Variants in SCAF1 observed in about 807,000 individuals in gnomAD.
The protein encoded by SCAF1 is splicing factor, arginine/serine-rich 19.
Under a neutral mutation model 91.2 loss-of-function variants are expected in SCAF1, and 28 were observed. That is an observed-to-expected ratio of 0.31 (90% CI 0.23 to 0.42). SCAF1 has a LOEUF of 0.42. SCAF1 is among the 10% of genes least tolerant of loss of function. The pLI, the probability that SCAF1 is intolerant of heterozygous loss-of-function variation, is 1.00. For missense variants in SCAF1, 1,893 were observed against 1,872.1 expected, an observed-to-expected ratio of 1.01 and a Z score of -0.21; for synonymous variants, 1,036 against 833.7, an observed-to-expected ratio of 1.24 and a Z score of -4.18.
Position 49,658,375 on chromosome 19 carries a change from G to C in SCAF1, c.3915G>C (p.Pro1305=), listed in dbSNP as rs563732230. ...KEPGPPDKGG[P]GLPLPPL ...CAGGGCCCCCAGACAAGGGTGGCCC[G>C]GGCCTGCCCCTGCCCCCTCTCTGAG... The change falls in exon 11 of 11, where the codon CCG becomes CCC. Residue 1305 remains proline (P), a synonymous_variant. Coordinates refer to ENST00000360565, the MANE Select transcript of SCAF1 (RefSeq NM_021228.3). 6.4e-7 allele frequency: 1 copy of C among 1,553,294 alleles called. No individual in the cohort carries two copies. Among genetic ancestry groups the C allele is most frequent in the South Asian group, 1.2e-5 (1 of 85,462 alleles).
Position 49,652,489 on chromosome 19 carries a change from C to T in SCAF1, c.2100C>T (p.Ala700=), listed in dbSNP as rs1223401284. The T allele has an allele frequency of 1.3e-6, 2 of 1,591,374 alleles. No individual in the cohort carries two copies. The highest frequency in any genetic ancestry group is 1.7e-6 in the Non-Finnish European group (2 of 1,171,746). ...IQDLTDHDLF[A]IKRTITVGRL... ...ACCTCACGGACCACGACCTCTTCGC[C>T]ATCAAGCGGACCATCACGGTGGGCC... Residue 700 remains alanine, a synonymous_variant, in exon 7 of 11, where the codon GCC becomes GCT. Transcript: ENST00000360565.
Position 49,645,299 on chromosome 19 carries a change from G to T in SCAF1, c.109-55G>T, listed in dbSNP as rs1438353224. 6.9e-6 allele frequency: 11 copies of T among 1,595,808 alleles called. No individual in the cohort carries two copies. In the African/African-American group the frequency reaches 1.5e-4, roughly 21 times the overall value. ...GATGTCTGTCTCCCAAGGGGCAGAGGTTGCAAAGCATCTGCCTGGGTCCTC... is the reference window on the plus strand; with the variant it reads ...GATGTCTGTCTCCCAAGGGGCAGAGTTTGCAAAGCATCTGCCTGGGTCCTC... On this transcript the variant is annotated intron_variant, in intron 2 of 10. Transcript: ENST00000360565. This position sits in a 1 kb window ranked among gnomAD's most constrained non-coding sequence, Gnocchi z 4.6.
At chr19:49,650,075 T>C (rs7259683) in intron 6 of SCAF1, among the ~76,000 whole-genome samples, 58,631 of 152,122 alleles carry the variant, frequency 0.39, 14,321 homozygotes, top group African/African-American at 0.7. Flanking sequence ...GCGGGCTCTT[T>C]GGGGGCGAAT....
Position 49,651,652 on chromosome 19 carries a change from G to A in SCAF1, c.1263G>A (p.Pro421=), listed in dbSNP as rs930449648. Reference sequence around the variant, plus strand: ...GCGGCCGGGCCGCCCGGCCTACACCGGCCGCCTCGGCCACCCCCACGGCCC... The same window carrying A: ...GCGGCCGGGCCGCCCGGCCTACACCAGCCGCCTCGGCCACCCCCACGGCCC... The part of the protein sequence containing the change: ...RPGGRAARPT[P]AASATPTAQP... Residue 421 remains proline, a synonymous_variant, in exon 7 of 11, where the codon CCG becomes CCA. Transcript: ENST00000360565. 12 of 1,423,778 alleles carry A rather than the reference G, an allele frequency of 8.4e-6. No homozygotes were observed. The highest frequency in any genetic ancestry group is 9.1e-6 in the Non-Finnish European group (10 of 1,098,382). The allele number at this position is 1,423,778 out of a possible 1,614,324, so 88.2% of individuals were successfully genotyped here.
In SCAF1 at chr19:49,646,221, CT is replaced by C; in HGVS notation, c.261+20del. 6.5e-7 allele frequency: 1 copy of C among 1,533,938 alleles called. No homozygotes were observed. On this transcript the variant is annotated intron_variant, in intron 4 of 10. Coordinates refer to ENST00000360565, the MANE Select transcript of SCAF1 (RefSeq NM_021228.3). The surrounding 1 kb of genome is among the most constrained non-coding windows in gnomAD (Gnocchi z 5.6). ...GGCTACTGTGAGTAAGAAGAGGGGG[CT>C]GGGGGCCTGGCTCACGGGTATCAGG...
rs1369439288 is a variant in SCAF1 at position 49,650,992 on chromosome 19, C to T, written c.603C>T (p.Pro201=). The change falls in exon 7 of 11, where the codon CCC becomes CCT. Residue 201 remains proline (P), a synonymous_variant. Coordinates refer to ENST00000360565, the MANE Select transcript of SCAF1 (RefSeq NM_021228.3). ...CATCCTCCTCCCCTTCCCCTTCTCCCTCATCTTCCTCCCCTTCCCCTCCCC... is the reference window on the plus strand; with the variant it reads ...CATCCTCCTCCCCTTCCCCTTCTCCTTCATCTTCCTCCCCTTCCCCTCCCC... The part of the protein sequence containing the change: ...SSASSSPSPS[P]SSSSPSPPPP... 1.8e-5 allele frequency: 24 copies of T among 1,316,468 alleles called. No individual in the cohort carries two copies. In the East Asian group the frequency reaches 5.9e-4, roughly 32 times the overall value. 81.5% of individuals were successfully genotyped at this position (1,316,468 alleles called of 1,614,324 possible). A position where few individuals can be genotyped will look rare whatever the true frequency, so the allele number is the denominator to read the frequency against.
upstream of SCAF1, among the ~76,000 whole-genome samples, chr19:49,640,509 T>C (rs2081020859): frequency 6.6e-6 from 1 of 152,148 alleles, no homozygotes; most frequent in South Asian, 2.1e-4. Context: ...GGGCATCGTC[T>C]CCGAGGCCTT....
In SCAF1 at chr19:49,645,701, A is replaced by G. The variant is rs927729525; in HGVS notation, c.166+290A>G. ...ACAGTGAACGGCTCTCTAAGGACCTAGAAGAGTCTAAGGACCTAGGATTAG... is the reference window on the plus strand; with the variant it reads ...ACAGTGAACGGCTCTCTAAGGACCTGGAAGAGTCTAAGGACCTAGGATTAG... On this transcript the variant is annotated intron_variant, in intron 3 of 10. Transcript: ENST00000360565. The surrounding 1 kb of genome is among the most constrained non-coding windows in gnomAD (Gnocchi z 4.6). Among the ~76,000 whole-genome samples the G allele has an allele frequency of 6.6e-6, 1 of 152,172 alleles. No homozygotes were observed. Among genetic ancestry groups the G allele is most frequent in the Non-Finnish European group, 1.5e-5 (1 of 68,020 alleles).
intron 6 of SCAF1, 39 bp from the exon 7 acceptor site, chr19:49,650,829 A>G: frequency 6.5e-7 from 1 of 1,535,446 alleles, no homozygotes; most frequent in Non-Finnish European, 8.9e-7. Flanking sequence ...GGAGGGAGGC[A>G]AAGGCCCTGA....
In SCAF1 at chr19:49,654,741, C is replaced by T; in HGVS notation, c.3489C>T (p.Ser1163=). ...TSLGLPPGPS[S]YLLPGSLPLG... is the part of the protein sequence containing the mutation. ...TGGGTCTGCCCCCTGGCCCCTCCAG[C>T]TACCTGCTTCCTGGCAGCCTCCCTC... Residue 1163 remains serine, a synonymous_variant, in exon 9 of 11, where the codon AGC becomes AGT. Transcript: ENST00000360565. 1.2e-6 allele frequency: 2 copies of T among 1,613,978 alleles called. No homozygotes were observed.
In SCAF1 at chr19:49,646,244, C is replaced by A; in HGVS notation, c.261+42C>A. ...GGCTGGGGGCCTGGCTCACGGGTAT[C>A]AGGGAGGAAGGGATGGGGGCCTGAG... On this transcript the variant is annotated intron_variant, in intron 4 of 10. Coordinates refer to ENST00000360565, the MANE Select transcript of SCAF1 (RefSeq NM_021228.3). The surrounding 1 kb of genome is among the most constrained non-coding windows in gnomAD (Gnocchi z 5.6). 1.4e-6 allele frequency: 2 copies of A among 1,472,426 alleles called. No homozygotes were observed. The highest frequency in any genetic ancestry group is 1.2e-5 in the South Asian group (1 of 83,688). The allele number at this position is 1,472,426 out of a possible 1,614,324, so 91.2% of individuals were successfully genotyped here.
intron 6 of SCAF1, among the ~76,000 whole-genome samples, chr19:49,647,969 G>A (rs2082481): frequency 0.36 from 53,986 of 151,676 alleles, 11,582 homozygotes; most frequent in African/African-American, 0.61. Context: ...GTCTCACTGC[G>A]TCCCCCAGGC....
chr19:49,656,435 C>T, intron 9 of SCAF1, among the ~76,000 whole-genome samples: 1 of 152,224 alleles, frequency 6.6e-6, no homozygotes, highest in East Asian at 1.9e-4. Context: ...TCCCAGGACT[C>T]AGTTTACCTG....
Position 49,658,262 on chromosome 19 carries a change from C to G in SCAF1, c.3802C>G (p.Arg1268Gly). The G allele has an allele frequency of 6.2e-7, 1 of 1,613,594 alleles. No homozygotes were observed. The change falls in exon 11 of 11, where the codon CGG (arginine) becomes GGG (glycine). Residue 1268 changes from arginine (R) to glycine (G), a missense_variant. This residue lies in a region of SCAF1 where 56 missense variants were observed against 106.3 expected (regional missense o/e 0.53). Coordinates refer to ENST00000360565, the MANE Select transcript of SCAF1 (RefSeq NM_021228.3). ...CCCAGTGAAGGTGAGCAACCTGGTG[C>G]GGGCCTACGTCCAGCGCTACCGCTA... ...INPVKVSNLV[R>G]AYVQRYRYFR...
rs201373623 is a variant in SCAF1, at chr19:49,645,315, C to T, written c.109-39C>T. On this transcript the variant is annotated intron_variant, in intron 2 of 10. Transcript: ENST00000360565. The surrounding 1 kb of genome is among the most constrained non-coding windows in gnomAD (Gnocchi z 4.6). The stretch of plus-strand genomic sequence containing the variant: ...GGGGCAGAGGTTGCAAAGCATCTGC[C>T]TGGGTCCTCTGACGCTTGGTTCTTC... 7,137 of 1,611,448 alleles carry T rather than the reference C, an allele frequency of 4.4e-3. 15 individuals are homozygous for T. Among genetic ancestry groups the T allele is most frequent in the South Asian group, 6.5e-3 (591 of 91,020 alleles).
In SCAF1 at chr19:49,652,097, G is replaced by T; in HGVS notation, c.1708G>T (p.Ala570Ser). 1 of 1,134,016 alleles carries T rather than the reference G, an allele frequency of 8.8e-7. No homozygotes were observed. Among genetic ancestry groups the T allele is most frequent in the Admixed American group, 5.2e-5 (1 of 19,254 alleles). 70.2% of individuals were successfully genotyped at this position (1,134,016 alleles called of 1,614,324 possible). A position where few individuals can be genotyped will look rare whatever the true frequency, so the allele number is the denominator to read the frequency against. Residue 570 changes from alanine to serine, a missense_variant, in exon 7 of 11, where the codon GCC becomes TCC. Physicochemically the swap from Ala to Ser is moderately conservative, Grantham distance 99 (BLOSUM62 1). Around this residue, in one of 5 missense-constraint regions of SCAF1, gnomAD observed 1,436 missense variants for 1,306.8 expected, o/e 1.10. Coordinates refer to ENST00000360565, the MANE Select transcript of SCAF1 (RefSeq NM_021228.3). ...RKPGSHASSS[A>S]RRRSRSRSRS... ...GCCCGGCTCCCACGCCTCGTCGTCC[G>T]CCCGCCGCCGCTCCCGCTCCCGCTC... is the stretch of plus-strand genomic sequence containing the variant.
intron 6 of SCAF1, among the ~76,000 whole-genome samples, chr19:49,647,347 T>G (rs1320337833): frequency 6.6e-6 from 1 of 152,194 alleles, no homozygotes; most frequent in Non-Finnish European, 1.5e-5. Context: ...AACGCACATC[T>G]CAGTTGCAAG....
chr19:49,652,704 CGCT>C lies in SCAF1; in HGVS notation c.2317_2319del (p.Leu773del). 1 of 1,581,090 alleles carries C rather than the reference CGCT, an allele frequency of 6.3e-7. No homozygotes were observed. The highest frequency in any genetic ancestry group is 8.6e-7 in the Non-Finnish European group (1 of 1,163,696). On this transcript the variant is annotated inframe_deletion, in exon 7 of 11. Coordinates refer to ENST00000360565, the MANE Select transcript of SCAF1 (RefSeq NM_021228.3). The stretch of plus-strand genomic sequence containing the variant: ...CGGGAGAAGGGGTCTCGTCGGAAGG[CGCT>C]GGACGGGGGTGACCGGGATCGGGAC...
intron 9 of SCAF1, 24 bp from the exon 10 acceptor site, chr19:49,657,737 C>T: frequency 6.3e-7 from 1 of 1,582,736 alleles, no homozygotes; most frequent in Non-Finnish European, 8.6e-7. Context: ...GCTGTGTCTT[C>T]CCCCGCTGTC....
Sources: gnomAD v4.1 joint callset for allele counts (sites outside exome capture counted in the v4.1 genomes callset) on GRCh38, gnomAD v4.1.1 for gene constraint, gnomAD v4.1.1 regional missense constraint, Gnocchi (gnomAD v3.1) non-coding constraint, MANE v1.5 for transcripts, NCBI Gene and HGNC (gene_info 2026-07-23, HGNC 2026-07-21) for gene names.